The following MAML2 variants were observed in gnomAD, a reference collection of about 807,000 sequenced individuals.
The protein encoded by MAML2 is mastermind like transcriptional coactivator 2.
A neutral mutation model predicts 96.1 loss-of-function variants in MAML2; 22 were observed. That is an observed-to-expected ratio of 0.23 (90% CI 0.16 to 0.33). The LOEUF (loss-of-function observed/expected upper bound fraction) is 0.33. MAML2 is among the 10% of genes least tolerant of loss of function. The probability of loss-of-function intolerance (pLI) is 1.00; values close to 1 mark genes in which losing one functional copy is unlikely to be tolerated. For missense variants in MAML2, 1,367 were observed against 1,392.4 expected (o/e 0.98, Z 0.29); for synonymous variants, 561 against 521.3 (o/e 1.08, Z -1.04).
Position 96,091,907 on chromosome 11 carries a change from G to A in MAML2, c.2124C>T (p.Ser708=), listed in dbSNP as rs776658411. The change falls in exon 2 of 5, where the codon TCC becomes TCT. Residue 708 remains serine, a synonymous_variant. Transcript: ENST00000524717. ...QPIAGMGYQV[S]QQQRQDQHSV... ...GAGCCCTTACCTGTCTCTGTTGTTGGGAGACTTGGTATCCCATTCCTGCAA... is the reference window on the plus strand; with the variant it reads ...GAGCCCTTACCTGTCTCTGTTGTTGAGAGACTTGGTATCCCATTCCTGCAA... The A allele has an allele frequency of 2.5e-6, 4 of 1,613,318 alleles. No homozygotes were observed. The highest frequency in any genetic ancestry group is 1.3e-5 in the African/African-American group (1 of 75,042).
chr11:96,282,299 G>A (rs1279617873), intron 1 of MAML2, among the ~76,000 whole-genome samples: 2 of 151,718 alleles, frequency 1.3e-5, no homozygotes, highest in African/African-American at 4.8e-5. Context: ...GTATGTACTT[G>A]GCATGATCAT....
chr11:96,056,205 C>T (rs1033506403), intron 2 of MAML2, among the ~76,000 whole-genome samples: 2 of 152,150 alleles, frequency 1.3e-5, no homozygotes, highest in Admixed American at 1.3e-4. Flanking sequence ...CCCCACAGGG[C>T]AGGCTCTTAG....
At position 96,267,791 on chromosome 11, in the gene MAML2, C is replaced by T. The variant is rs537543976; in HGVS notation, c.513+73592G>A. On this transcript the variant is annotated intron_variant, in intron 1 of 4. Transcript: ENST00000524717. ...GTCTAATTATGGGAGGGCTGTCCCT[C>T]AAGCATGGTGGGAGGTAACCCCACT... Among the ~76,000 whole-genome samples, 16 of 152,334 alleles carry T rather than the reference C, an allele frequency of 1.1e-4. No individual in the cohort carries two copies. In the South Asian group the frequency reaches 3.1e-3, roughly 30 times the overall value.
At chr11:96,232,143 C>A (rs1196829335) in intron 1 of MAML2, among the ~76,000 whole-genome samples, 2 of 152,156 alleles carry the variant, frequency 1.3e-5, no homozygotes, top group African/African-American at 4.8e-5. Flanking sequence ...ATTTAGATCC[C>A]CCCAAGATGA....
intron 1 of MAML2, among the ~76,000 whole-genome samples, chr11:96,126,784 A>G (rs1405428793): frequency 6.6e-6 from 1 of 152,236 alleles, no homozygotes; most frequent in Non-Finnish European, 1.5e-5. Context: ...GATTCATTCA[A>G]CAAATGTCAT....
chr11:96,016,927 C>T (rs911782993), intron 2 of MAML2, among the ~76,000 whole-genome samples: 64 of 152,090 alleles, frequency 4.2e-4, no homozygotes, highest in Non-Finnish European at 1.2e-4. Context: ...CCAAATGTTG[C>T]TAGTAACCCT....
intron 2 of MAML2, among the ~76,000 whole-genome samples, chr11:96,026,597 T>C (rs1858522842): frequency 6.6e-6 from 1 of 152,200 alleles, no homozygotes; most frequent in Non-Finnish European, 1.5e-5. Flanking sequence ...ATTCTTTATG[T>C]AACCCTCTCT....
intron 1 of MAML2, among the ~76,000 whole-genome samples, chr11:96,243,282 C>T (rs1448164233): frequency 6.6e-6 from 1 of 152,174 alleles, no homozygotes; most frequent in East Asian, 1.9e-4. Flanking sequence ...AAGGCCCGGC[C>T]GGCCTCCAGA....
intron 2 of MAML2, among the ~76,000 whole-genome samples, chr11:96,002,387 G>T (rs929513159): frequency 6.6e-6 from 1 of 152,204 alleles, no homozygotes; most frequent in African/African-American, 2.4e-5. Flanking sequence ...AAAGGCAAAG[G>T]TTGAGCAACA....
rs1555018442 is a variant in MAML2, at chr11:96,166,177, TCA to T, written c.514-72662_514-72661del. Among the ~76,000 whole-genome samples the T allele has an allele frequency of 4.1e-3, 455 of 110,364 alleles. 5 individuals are homozygous for T. The highest frequency in any genetic ancestry group is 0.023 in the East Asian group (98 of 4,338). The allele number at this position is 110,364 out of a possible 152,430, so 72.4% of individuals were successfully genotyped here. ...CTGTCTCTCTCTCTCTCTCTCTCTC[TCA>T]CACACACACACACACACACACACAC... is the stretch of plus-strand genomic sequence containing the variant. On this transcript the variant is annotated intron_variant, in intron 1 of 4. Transcript: ENST00000524717.
intron 2 of MAML2, among the ~76,000 whole-genome samples, chr11:96,046,744 T>G (rs1451583039): frequency 1.3e-5 from 2 of 152,130 alleles, no homozygotes; most frequent in African/African-American, 4.8e-5. Flanking sequence ...CTCCCCAAAT[T>G]ATTTGTAAAG....
At chr11:96,051,904 G>A (rs924441385) in intron 2 of MAML2, among the ~76,000 whole-genome samples, 3 of 152,248 alleles carry the variant, frequency 2.0e-5, no homozygotes, top group Non-Finnish European at 4.4e-5. Context: ...GTTCTGAAGG[G>A]CCTGGCTCAC....
At chr11:96,083,230 A>G (rs113167977) in intron 2 of MAML2, among the ~76,000 whole-genome samples, 2 of 152,194 alleles carry the variant, frequency 1.3e-5, no homozygotes, top group Non-Finnish European at 2.9e-5. Flanking sequence ...CTGACATTCA[A>G]TGCATTTGAA....
chr11:96,185,941 C>G (rs950556406), intron 1 of MAML2, among the ~76,000 whole-genome samples: 1 of 152,102 alleles, frequency 6.6e-6, no homozygotes, highest in Non-Finnish European at 1.5e-5. Flanking sequence ...GCATAGGTAC[C>G]AACAGAAAGC....
chr11:96,133,629 T>A (rs1860580205), intron 1 of MAML2, among the ~76,000 whole-genome samples: 1 of 152,210 alleles, frequency 6.6e-6, no homozygotes, highest in Non-Finnish European at 1.5e-5. Flanking sequence ...TTAAGAAACA[T>A]ATTTGTACTT....
chr11:96,070,577 G>A (rs886520466), intron 2 of MAML2, among the ~76,000 whole-genome samples: 1 of 152,248 alleles, frequency 6.6e-6, no homozygotes, highest in African/African-American at 2.4e-5. Flanking sequence ...GCTGGTACCT[G>A]TGTAGGCACC....
At chr11:96,236,936 T>A (rs942742157) in intron 1 of MAML2, among the ~76,000 whole-genome samples, 6 of 152,230 alleles carry the variant, frequency 3.9e-5, no homozygotes, top group Non-Finnish European at 7.3e-5. Context: ...CTATCATTTC[T>A]GCTAGATCAT....
At chr11:96,233,691 A>G (rs10444218) in intron 1 of MAML2, among the ~76,000 whole-genome samples, 59,376 of 152,090 alleles carry the variant, frequency 0.39, 12,027 homozygotes, top group Non-Finnish European at 0.44. Context: ...TTACAGGCAT[A>G]AGCTACCATG....
chr11:96,172,207 C>T (rs555051280), intron 1 of MAML2, among the ~76,000 whole-genome samples: 2 of 152,338 alleles, frequency 1.3e-5, no homozygotes, highest in African/African-American at 4.8e-5. Context: ...ATGCTTAAAA[C>T]CTCATTGCAG....
Sources: allele counts gnomAD v4.1 joint callset (sites outside exome capture counted in the v4.1 genomes callset), GRCh38; gene constraint gnomAD v4.1.1; transcripts MANE v1.5; gene names NCBI Gene and HGNC (gene_info 2026-07-23, HGNC 2026-07-21).